Variants in CCT3 observed in about 807,000 individuals in gnomAD.
CCT3 encodes the protein T-complex protein 1 subunit gamma.
A neutral mutation model predicts 65.3 loss-of-function variants in CCT3; 10 were observed. That is an observed-to-expected ratio of 0.15 (90% confidence interval 0.09 to 0.26). The LOEUF is 0.26. Among genes scored for constraint, CCT3 ranks in the 10% least tolerant of loss-of-function variants. The probability of loss-of-function intolerance (pLI) is 1.00; values close to 1 mark genes in which losing one functional copy is unlikely to be tolerated. For missense variants in CCT3, 626 were observed against 708.7 expected (o/e 0.88, Z 1.33); for synonymous variants, 225 against 242.3 (o/e 0.93, Z 0.66).
At position 156,320,948 on chromosome 1, in the gene CCT3, C is replaced by T. The variant is rs771827407; in HGVS notation, c.500G>A (p.Arg167Gln). The change falls in exon 7 of 14, where the codon CGG (arginine) becomes CAG (glutamine). Residue 167 changes from arginine (R) to glutamine (Q), a missense_variant. Arg to Gln is a conservative substitution (Grantham distance 43). Transcript: ENST00000295688. Reference sequence around the variant, plus strand: ...AATGTTGCAAGCCAAAGATGACCACCGACTGATGGCTTTGGTAGTAATAGA... The same window carrying T: ...AATGTTGCAAGCCAAAGATGACCACTGACTGATGGCTTTGGTAGTAATAGA... ...NSSITTKAISRWSSLACNIAL... is the reference protein window; with the variant it reads ...NSSITTKAISQWSSLACNIAL... 8 of 1,613,940 alleles carry T rather than the reference C, an allele frequency of 5.0e-6. No individual in the cohort carries two copies. The highest frequency in any genetic ancestry group is 1.6e-4 in the Middle Eastern group (1 of 6,062).
At chr1:156,327,274 C>G (rs1039895167) in intron 5 of CCT3, among the ~76,000 whole-genome samples, 8 of 151,222 alleles carry the variant, frequency 5.3e-5, no homozygotes, top group East Asian at 1.9e-4. Flanking sequence ...CTCGCCTCTC[C>G]CCTCTCCCCT....
intron 1 of CCT3, chr1:156,337,005 C>T: frequency 3.9e-6 from 4 of 1,038,588 alleles, no homozygotes; most frequent in Non-Finnish European, 5.1e-6. Flanking sequence ...ATACAGAAGA[C>T]GGTAAGGGAG....
chr1:156,317,357 C>T, intron 9 of CCT3, 58 bp downstream of exon 9: 1 of 1,599,364 alleles, frequency 6.3e-7, no homozygotes, highest in Non-Finnish European at 8.6e-7. Flanking sequence ...GGGGAGAAAA[C>T]AAATCACCCA....
chr1:156,315,800 T>G (rs987359838), intron 10 of CCT3, among the ~76,000 whole-genome samples: 2 of 152,176 alleles, frequency 1.3e-5, no homozygotes, highest in Non-Finnish European at 2.9e-5. Flanking sequence ...ACTTTGTGGT[T>G]ACTAAAATCT....
chr1:156,321,060 G>A, intron 6 of CCT3, 35 bp from the exon 7 acceptor site: 2 of 1,566,448 alleles, frequency 1.3e-6, no homozygotes, highest in Non-Finnish European at 1.8e-6. Flanking sequence ...ATGTGAAGAA[G>A]GCATGTTAGA....
intron 5 of CCT3, among the ~76,000 whole-genome samples, chr1:156,329,507 A>G (rs1004977329): frequency 6.6e-6 from 1 of 151,726 alleles, no homozygotes; most frequent in Non-Finnish European, 1.5e-5. Flanking sequence ...GGGTTTCACC[A>G]TGTTGGTCAG....
chr1:156,335,770 A>T, intron 2 of CCT3, 57 bp downstream of exon 2: 1 of 1,450,708 alleles, frequency 6.9e-7, no homozygotes, highest in East Asian at 2.3e-5. Flanking sequence ...GCTATGACCA[A>T]ATACCAGGAA....
At position 156,335,906 on chromosome 1, in the gene CCT3, AC is replaced by A; in HGVS notation, c.32-19del. 6.2e-7 allele frequency: 1 copy of A among 1,610,932 alleles called. No homozygotes were observed. The highest frequency in any genetic ancestry group is 8.5e-7 in the Non-Finnish European group (1 of 1,177,172). ...GTTCTGGCCTAAAATAGACAAAAAC[AC>A]AAGTCAACAGCCCAGGACTGCCCCA... On this transcript the variant is annotated intron_variant, in intron 1 of 13. Coordinates refer to ENST00000295688, the MANE Select transcript of CCT3 (RefSeq NM_005998.5).
chr1:156,310,326 C>G (rs372385648), intron 13 of CCT3, among the ~76,000 whole-genome samples: 10 of 152,002 alleles, frequency 6.6e-5, no homozygotes, highest in African/African-American at 2.4e-4. Flanking sequence ...AACCCTATCT[C>G]TACTAAAAAA....
At chr1:156,333,370 A>G (rs1311996667) in intron 5 of CCT3, 177 bp downstream of exon 5, 2 of 568,906 alleles carry the variant, frequency 3.5e-6, no homozygotes, top group Non-Finnish European at 6.2e-6. Flanking sequence ...CCAGATTTGC[A>G]TAGCTCACCC....
rs1359840595 is a variant in CCT3, at chr1:156,320,963, G to T, written c.485C>A (p.Thr162Asn). Residue 162 changes from threonine (T) to asparagine (N), a missense_variant, in exon 7 of 14, where the codon ACC (threonine) becomes AAC (asparagine). Physicochemically the swap from Thr to Asn is moderately conservative, Grantham distance 65 (BLOSUM62 0). Transcript: ENST00000295688. ...AGATGACCACCGACTGATGGCTTTG[G>T]TAGTAATAGAGCTGTTGATGATGTT... ...MLNIINSSIT[T>N]KAISRWSSLA... The T allele has an allele frequency of 6.2e-7, 1 of 1,614,092 alleles. No individual in the cohort carries two copies.
chr1:156,315,657 C>T (rs1225775685), intron 10 of CCT3, among the ~76,000 whole-genome samples: 4 of 152,098 alleles, frequency 2.6e-5, no homozygotes, highest in Non-Finnish European at 5.9e-5. Flanking sequence ...GTGGGGGAGT[C>T]AAAAAATTAT....
intron 5 of CCT3, among the ~76,000 whole-genome samples, chr1:156,326,735 C>T (rs1664830207): frequency 6.6e-6 from 1 of 151,774 alleles, no homozygotes; most frequent in Admixed American, 6.6e-5. Flanking sequence ...TAAAACATCT[C>T]CTTCTTTTAA....
At chr1:156,332,657 A>G (rs1006527535) in intron 5 of CCT3, 1 of 152,184 alleles carries the variant, frequency 6.6e-6, no homozygotes, top group African/African-American at 2.4e-5. Flanking sequence ...TATGCAGTAT[A>G]TTTAAGGTTA....
intron 1 of CCT3, 22 bp downstream of exon 1, chr1:156,338,132 T>G (rs1229526472): frequency 6.3e-7 from 1 of 1,578,730 alleles, no homozygotes; most frequent in Non-Finnish European, 8.6e-7. Flanking sequence ...GGGGTCCATT[T>G]CCTGGCATCC....
chr1:156,310,515 TA>T (rs750030740), intron 13 of CCT3, 42 bp downstream of exon 13: 196 of 1,410,888 alleles, frequency 1.4e-4, no homozygotes, highest in Middle Eastern at 2.0e-4. Flanking sequence ...GATAAATAAA[TA>T]AATTAATTAA....
chr1:156,337,005 CG>C, intron 1 of CCT3: 1 of 1,038,590 alleles, frequency 9.6e-7, no homozygotes, highest in Non-Finnish European at 1.3e-6. Context: ...ATACAGAAGA[CG>C]GTAAGGGAGG....
At position 156,332,427 on chromosome 1, in the gene CCT3, AG is replaced by A. The variant is rs541375629; in HGVS notation, c.304+1119del. 4.6e-5 allele frequency among the ~76,000 whole-genome samples: 7 copies of A among 152,354 alleles called. No homozygotes were observed. In the South Asian group the frequency reaches 1.4e-3, roughly 32 times the overall value. On this transcript the variant is annotated intron_variant, in intron 5 of 13. Coordinates refer to ENST00000295688, the MANE Select transcript of CCT3 (RefSeq NM_005998.5). ...GAAAAATAATTCTTTATGATCCTAT[AG>A]GAAGTAGAAAGATTAGTCTTTAAAC...
intron 1 of CCT3, chr1:156,336,116 A>G: frequency 2.4e-6 from 1 of 418,600 alleles, no homozygotes; most frequent in South Asian, 7.1e-5. Flanking sequence ...CTGTATTTCA[A>G]TCCTTGGTAT....
Sources: allele counts gnomAD v4.1 joint callset (sites outside exome capture counted in the v4.1 genomes callset), GRCh38; gene constraint gnomAD v4.1.1; transcripts MANE v1.5; gene names NCBI Gene and HGNC (gene_info 2026-07-23, HGNC 2026-07-21).